The following OR14I1 variants were observed in gnomAD, a reference collection of about 807,000 sequenced individuals.
The protein encoded by OR14I1 is olfactory receptor family 14 subfamily I member 1, also known as olfactory receptor 14I1.
For missense variants in OR14I1, 279 were observed against 181.8 expected, an observed-to-expected ratio of 1.53 and a Z score of -3.07; for synonymous variants, 118 against 71.1, an observed-to-expected ratio of 1.66 and a Z score of -3.32.
the OR14I1 span, among the ~76,000 whole-genome samples, chr1:248,687,545 G>C: frequency 6.6e-6 from 1 of 152,176 alleles, no homozygotes; most frequent in Non-Finnish European, 1.5e-5. Context: ...AGAAATTTAG[G>C]AGATATATAT....
downstream of OR14I1, among the ~76,000 whole-genome samples, chr1:248,680,262 TTA>T (rs1661535148): frequency 6.6e-6 from 1 of 152,210 alleles, no homozygotes; most frequent in Admixed American, 6.5e-5. Flanking sequence ...TATCGAAGAA[TTA>T]TATTTACAGA....
the OR14I1 span, among the ~76,000 whole-genome samples, chr1:248,689,801 AT>A: frequency 6.6e-6 from 1 of 152,202 alleles, no homozygotes; most frequent in Non-Finnish European, 1.5e-5. Context: ...CATAGCACTT[AT>A]TCTAAAGTTG....
the OR14I1 span, among the ~76,000 whole-genome samples, chr1:248,700,064 G>A: frequency 6.6e-6 from 1 of 152,166 alleles, no homozygotes. Context: ...CCGGCCCACT[G>A]CTGACTACTT....
chr1:248,690,124 A>G, the OR14I1 span, among the ~76,000 whole-genome samples: 2 of 152,206 alleles, frequency 1.3e-5, no homozygotes, highest in Non-Finnish European at 2.9e-5. Flanking sequence ...ATCAGAAAGC[A>G]GGAAAGATCT....
At chr1:248,690,177 C>G in the OR14I1 span, among the ~76,000 whole-genome samples, 6 of 151,898 alleles carry the variant, frequency 4.0e-5, no homozygotes, top group Non-Finnish European at 5.9e-5. Context: ...ACTAGAGAAG[C>G]AAGAGCAAAT....
At chr1:248,694,952 T>C in the OR14I1 span, among the ~76,000 whole-genome samples, 1 of 152,238 alleles carries the variant, frequency 6.6e-6, no homozygotes, top group African/African-American at 2.4e-5. Context: ...ATCCAGCATT[T>C]GAAATGAGAC....
chr1:248,682,403 T>C, upstream of OR14I1: 2 of 605,296 alleles, frequency 3.3e-6, no homozygotes, highest in South Asian at 4.1e-5. Flanking sequence ...AATATCCTCC[T>C]AAATTAAATT....
At chr1:248,682,234 A>G (rs1239828459) in exon 1 of OR14I1, 2 of 777,986 alleles carry the variant, frequency 2.6e-6, no homozygotes, top group Non-Finnish European at 4.8e-6. Context: ...CCCGGCGTGC[A>G]GCACCTGCAG....
At chr1:248,686,575 T>C (rs1661654506), upstream of OR14I1, among the ~76,000 whole-genome samples, 1 of 149,534 alleles carries the variant, frequency 6.7e-6, no homozygotes, top group African/African-American at 2.4e-5. Flanking sequence ...GAATGCACTA[T>C]TTTGTTTGCT....
In OR14I1 at chr1:248,681,350, T is replaced by C. The variant is rs774583174; in HGVS notation, c.*19A>G. The C allele has an allele frequency of 2.1e-5, 14 of 680,984 alleles. 1 individual carries two copies. Among genetic ancestry groups the C allele is most frequent in the East Asian group, 1.7e-4 (7 of 40,272 alleles). 42.2% of individuals were successfully genotyped at this position (680,984 alleles called of 1,614,324 possible). A position where few individuals can be genotyped will look rare whatever the true frequency, so the allele number is the denominator to read the frequency against. On this transcript the variant is annotated 3_prime_UTR_variant, in exon 1 of 1. Transcript: ENST00000342623. ...TTGGGGTTTTGTTGCAGATCTTCTA[T>C]AGTAAAGACCAGGATGTTCTACTTT...
chr1:248,679,554 T>C (rs1411855035), downstream of OR14I1, among the ~76,000 whole-genome samples: 2 of 152,172 alleles, frequency 1.3e-5, no homozygotes, highest in African/African-American at 4.8e-5. Flanking sequence ...GTTGCCTCTT[T>C]CATTAAGTGA....
chr1:248,681,908 C>A (rs745926246), exon 1 of OR14I1: 1 of 780,884 alleles, frequency 1.3e-6, no homozygotes, highest in Non-Finnish European at 2.4e-6. Context: ...GATGTCATCA[C>A]GGCTCTGTAT....
At chr1:248,679,823 AG>A (rs1661529129), downstream of OR14I1, among the ~76,000 whole-genome samples, 1 of 152,230 alleles carries the variant, frequency 6.6e-6, no homozygotes, top group Non-Finnish European at 1.5e-5. Context: ...TTGCTTATCT[AG>A]GACTGTATTT....
chr1:248,697,829 T>C, the OR14I1 span, among the ~76,000 whole-genome samples: 2 of 152,056 alleles, frequency 1.3e-5, no homozygotes, highest in Non-Finnish European at 2.9e-5. Context: ...TGTGCTTTTT[T>C]CCTCTGTTGT....
At chr1:248,681,118 C>A (rs1172934115), downstream of OR14I1, among the ~76,000 whole-genome samples, 1 of 151,950 alleles carries the variant, frequency 6.6e-6, no homozygotes, top group Non-Finnish European at 1.5e-5. Context: ...CCACAACAAG[C>A]TGCAGTTACA....
chr1:248,697,492 A>C, the OR14I1 span, among the ~76,000 whole-genome samples: 8 of 151,870 alleles, frequency 5.3e-5, no homozygotes, highest in East Asian at 1.3e-3. Context: ...AAAAAAAAAA[A>C]AAAAAAACAT....
the OR14I1 span, among the ~76,000 whole-genome samples, chr1:248,701,714 A>G: frequency 6.6e-6 from 1 of 152,184 alleles, no homozygotes; most frequent in African/African-American, 2.4e-5. Context: ...CAAGAGAGCG[A>G]TATCACCAAG....
chr1:248,680,788 G>C (rs1661545719), downstream of OR14I1, among the ~76,000 whole-genome samples: 1 of 152,170 alleles, frequency 6.6e-6, no homozygotes, highest in African/African-American at 2.4e-5. Context: ...AATCTCAGTA[G>C]ATGCATTGAT....
chr1:248,689,028 A>T, the OR14I1 span, among the ~76,000 whole-genome samples: 1 of 152,150 alleles, frequency 6.6e-6, no homozygotes, highest in East Asian at 1.9e-4. Flanking sequence ...TAGAAATGAA[A>T]AATTTCTTAT....
Sources: allele counts gnomAD v4.1 joint callset (sites outside exome capture counted in the v4.1 genomes callset), GRCh38; gene constraint gnomAD v4.1.1; transcripts MANE v1.5; gene names NCBI Gene and HGNC (gene_info 2026-07-23, HGNC 2026-07-21).